SYNPR: variants seen among roughly 807,000 people sequenced by gnomAD.
The protein encoded by SYNPR is synaptoporin.
SYNPR carries 23 observed loss-of-function variants against 32.9 expected under a neutral mutation model. That is an observed-to-expected ratio of 0.70 (90% CI 0.50 to 0.99). The LOEUF (loss-of-function observed/expected upper bound fraction) is 0.99. Among genes scored for constraint, SYNPR ranks in the 50% least tolerant of loss-of-function variants. The probability of loss-of-function intolerance (pLI) is 0.00; values close to 1 mark genes in which losing one functional copy is unlikely to be tolerated. For synonymous variants in SYNPR, 146 were observed against 135.9 expected (o/e 1.07, Z -0.52); for missense variants, 318 against 349.3 (o/e 0.91, Z 0.71).
At chr3:63,543,869 T>C (rs907869765) in intron 3 of SYNPR, among the ~76,000 whole-genome samples, 2 of 152,000 alleles carry the variant, frequency 1.3e-5, no homozygotes. Context: ...CACCTTCCCT[T>C]ATGTAGCTGG....
At chr3:63,394,504 G>A (rs1183922059) in intron 2 of SYNPR, among the ~76,000 whole-genome samples, 2 of 152,104 alleles carry the variant, frequency 1.3e-5, no homozygotes, top group Non-Finnish European at 2.9e-5. Context: ...TTTTGTATTT[G>A]CTTTCTTAAG....
At chr3:63,560,560 A>G (rs1486796521) in intron 4 of SYNPR, among the ~76,000 whole-genome samples, 1 of 152,232 alleles carries the variant, frequency 6.6e-6, no homozygotes, top group Non-Finnish European at 1.5e-5. Flanking sequence ...TGGCTACTGT[A>G]TTAGTCCATT....
chr3:63,373,640 C>T (rs1260985734), intron 2 of SYNPR, among the ~76,000 whole-genome samples: 1 of 152,064 alleles, frequency 6.6e-6, no homozygotes, highest in East Asian at 1.9e-4. Context: ...AGAAAGCAGG[C>T]AACTTGGAAA....
chr3:63,219,544 C>G, the SYNPR span, among the ~76,000 whole-genome samples: 3 of 152,144 alleles, frequency 2.0e-5, no homozygotes, highest in Admixed American at 1.3e-4. Flanking sequence ...CCAAGTATAG[C>G]TTTTGACTCC....
chr3:63,423,927 A>G (rs920777926), intron 2 of SYNPR, among the ~76,000 whole-genome samples: 1 of 152,236 alleles, frequency 6.6e-6, no homozygotes, highest in Non-Finnish European at 1.5e-5. Context: ...ATCCAAAGTG[A>G]GAGACATTCT....
intron 4 of SYNPR, among the ~76,000 whole-genome samples, chr3:63,596,191 A>AT (rs1487901959): frequency 1.4e-5 from 2 of 148,032 alleles, no homozygotes; most frequent in Non-Finnish European, 3.0e-5. Context: ...TCCTCCTCCT[A>AT]TTTTTTCTCT....
At chr3:63,593,912 A>G (rs1699884173) in intron 4 of SYNPR, among the ~76,000 whole-genome samples, 1 of 152,136 alleles carries the variant, frequency 6.6e-6, no homozygotes, top group Non-Finnish European at 1.5e-5. Flanking sequence ...TTCCATTTTT[A>G]GAACAGTACC....
chr3:63,351,954 A>G (rs976969193), intron 2 of SYNPR, among the ~76,000 whole-genome samples: 1 of 152,172 alleles, frequency 6.6e-6, no homozygotes, highest in Non-Finnish European at 1.5e-5. Flanking sequence ...AGATGCTAGG[A>G]TCGGCAGCAT....
the SYNPR span, among the ~76,000 whole-genome samples, chr3:63,207,084 G>C: frequency 5.3e-5 from 8 of 152,178 alleles, no homozygotes; most frequent in African/African-American, 1.9e-4. Flanking sequence ...GCAATGTGCA[G>C]TATTTTCTGG....
chr3:63,337,502 AC>A (rs1331032034), intron 2 of SYNPR, among the ~76,000 whole-genome samples: 1 of 152,156 alleles, frequency 6.6e-6, no homozygotes, highest in East Asian at 1.9e-4. Context: ...ATAGAGCAAT[AC>A]TTCTAGATAT....
At chr3:63,537,760 G>T (rs1702235049) in intron 3 of SYNPR, among the ~76,000 whole-genome samples, 3 of 152,096 alleles carry the variant, frequency 2.0e-5, no homozygotes, top group Non-Finnish European at 4.4e-5. Flanking sequence ...GGAAATCCAT[G>T]CTACAATTAA....
intron 2 of SYNPR, among the ~76,000 whole-genome samples, chr3:63,470,458 C>G (rs1436321925): frequency 1.3e-5 from 2 of 152,172 alleles, no homozygotes; most frequent in Non-Finnish European, 1.5e-5. Context: ...AAATATAATT[C>G]AAGCAGAAAT....
intron 2 of SYNPR, among the ~76,000 whole-genome samples, chr3:63,343,069 C>T (rs1259464865): frequency 6.6e-6 from 1 of 152,082 alleles, no homozygotes; most frequent in South Asian, 2.1e-4. Flanking sequence ...AAGAGCTTTT[C>T]GGGCAGAGGG....
At chr3:63,319,373 G>GT (rs1229342273) in intron 2 of SYNPR, among the ~76,000 whole-genome samples, 2 of 151,836 alleles carry the variant, frequency 1.3e-5, no homozygotes, top group East Asian at 1.9e-4. Context: ...CTCTAGCTTT[G>GT]TTTTTTTGCT....
At chr3:63,448,344 C>G (rs1033214906) in intron 2 of SYNPR, among the ~76,000 whole-genome samples, 9 of 152,206 alleles carry the variant, frequency 5.9e-5, no homozygotes, top group Non-Finnish European at 1.3e-4. Flanking sequence ...CACACCTTGT[C>G]TCAATGTAGA....
At chr3:63,537,048 ACT>A (rs1308737274) in intron 3 of SYNPR, among the ~76,000 whole-genome samples, 1 of 152,018 alleles carries the variant, frequency 6.6e-6, no homozygotes, top group Non-Finnish European at 1.5e-5. Context: ...ATATACTAAA[ACT>A]CTGTGAATAC....
chr3:63,496,709 A>G (rs905841127), intron 3 of SYNPR, among the ~76,000 whole-genome samples: 1 of 152,214 alleles, frequency 6.6e-6, no homozygotes, highest in African/African-American at 2.4e-5. Flanking sequence ...CATAATTATT[A>G]GGCATCTGTA....
chr3:63,396,271 G>T (rs1011623056), intron 2 of SYNPR, among the ~76,000 whole-genome samples: 2 of 152,150 alleles, frequency 1.3e-5, no homozygotes, highest in African/African-American at 4.8e-5. Context: ...TCAAGATCTT[G>T]CTTCTTGGAA....
At chr3:63,556,035 G>T (rs948819695) in intron 3 of SYNPR, among the ~76,000 whole-genome samples, 3 of 152,208 alleles carry the variant, frequency 2.0e-5, no homozygotes, top group Non-Finnish European at 1.5e-5. Context: ...ATGTCAGGGG[G>T]CAGAGTGATT....
Sources: gnomAD v4.1 joint callset for allele counts (sites outside exome capture counted in the v4.1 genomes callset) on GRCh38, gnomAD v4.1.1 for gene constraint, MANE v1.5 for transcripts, NCBI Gene and HGNC (gene_info 2026-07-23, HGNC 2026-07-21) for gene names.